The following TRABD2B variants were observed in gnomAD, a reference collection of about 807,000 sequenced individuals.
TRABD2B encodes the protein metalloprotease TIKI2.
In TRABD2B, 14 loss-of-function variants were observed where a neutral mutation model predicts 40.1. The ratio of observed to expected loss-of-function variants is 0.35; its 90% CI spans 0.23 to 0.55. The LOEUF is 0.55. Ranked by LOEUF, TRABD2B falls within the 20% of genes least tolerant of loss-of-function variation. TRABD2B has a pLI of 0.90. For synonymous variants in TRABD2B, 263 were observed against 277.0 expected (o/e 0.95, Z 0.50); for missense variants, 541 against 648.6 (o/e 0.83, Z 1.80).
chr1:47,786,244 T>C (rs1023069340), intron 4 of TRABD2B, among the ~76,000 whole-genome samples: 2 of 152,060 alleles, frequency 1.3e-5, no homozygotes, highest in Non-Finnish European at 2.9e-5. Context: ...ACAGTCTGGG[T>C]CCAAGCCCAT....
intron 2 of TRABD2B, among the ~76,000 whole-genome samples, chr1:47,932,604 G>A (rs1192855507): frequency 2.6e-5 from 4 of 152,142 alleles, no homozygotes; most frequent in Admixed American, 2.6e-4. Flanking sequence ...AAGCACAGGA[G>A]CAAAAATTCG....
intron 6 of TRABD2B, among the ~76,000 whole-genome samples, chr1:47,770,035 A>T (rs1644358376): frequency 6.6e-6 from 1 of 152,166 alleles, no homozygotes; most frequent in African/African-American, 2.4e-5. Flanking sequence ...TCCCTGGAGC[A>T]GGGGTGGGTC....
At chr1:47,962,522 G>A (rs1645536288) in intron 2 of TRABD2B, among the ~76,000 whole-genome samples, 1 of 152,058 alleles carries the variant, frequency 6.6e-6, no homozygotes, top group African/African-American at 2.4e-5. Flanking sequence ...CCTGATACCT[G>A]CCCCCTTTGC....
chr1:47,925,306 G>T (rs1224368607), intron 2 of TRABD2B, among the ~76,000 whole-genome samples: 2 of 151,840 alleles, frequency 1.3e-5, no homozygotes, highest in Non-Finnish European at 2.9e-5. Flanking sequence ...CATAAACAAA[G>T]AATTCAAAAA....
At chr1:47,970,811 C>G (rs1195481623) in intron 2 of TRABD2B, among the ~76,000 whole-genome samples, 1 of 152,128 alleles carries the variant, frequency 6.6e-6, no homozygotes, top group African/African-American at 2.4e-5. Context: ...ATTCCCTTCT[C>G]ATGGTGATGG....
chr1:47,818,718 C>T (rs1206495101), intron 2 of TRABD2B: 1 of 152,280 alleles, frequency 6.6e-6, no homozygotes, highest in Non-Finnish European at 1.5e-5. Flanking sequence ...CTCTCTCCAG[C>T]CTTGCTGTGG....
At chr1:47,850,800 T>C (rs1355076001) in intron 2 of TRABD2B, among the ~76,000 whole-genome samples, 1 of 152,206 alleles carries the variant, frequency 6.6e-6, no homozygotes, top group East Asian at 1.9e-4. Context: ...CCCAACCTTT[T>C]TGGCACCTGG....
intron 2 of TRABD2B, among the ~76,000 whole-genome samples, chr1:47,859,110 G>A (rs75672632): frequency 6.6e-6 from 1 of 152,206 alleles, no homozygotes; most frequent in Non-Finnish European, 1.5e-5. Context: ...CTTGCTGAGA[G>A]TTATCATTTT....
intron 2 of TRABD2B, among the ~76,000 whole-genome samples, chr1:47,823,758 TTCTAGTCTAACCC>T (rs1570049307): frequency 6.6e-6 from 1 of 152,288 alleles, no homozygotes; most frequent in East Asian, 1.9e-4. Flanking sequence ...AAGATCTTCC[TTCTAGTCTAACCC>T]TCTGGGTTTT....
At chr1:47,831,693 AATC>A (rs1645252034) in intron 2 of TRABD2B, among the ~76,000 whole-genome samples, 1 of 152,170 alleles carries the variant, frequency 6.6e-6, no homozygotes. Flanking sequence ...GAACCTTTCA[AATC>A]ACCAGCGGGT....
intron 2 of TRABD2B, among the ~76,000 whole-genome samples, chr1:47,858,237 T>C (rs1643916846): frequency 1.4e-5 from 1 of 69,994 alleles, no homozygotes. Flanking sequence ...TATTTTATTT[T>C]ATTTTATTTT....
At chr1:47,976,748 A>G (rs752602082) in intron 2 of TRABD2B, among the ~76,000 whole-genome samples, 5 of 152,242 alleles carry the variant, frequency 3.3e-5, no homozygotes, top group Non-Finnish European at 7.3e-5. Flanking sequence ...CATGCTTGGT[A>G]CATGAGCAGT....
chr1:47,891,997 G>A (rs907171199), intron 2 of TRABD2B, among the ~76,000 whole-genome samples: 19 of 152,208 alleles, frequency 1.2e-4, no homozygotes, highest in African/African-American at 4.3e-4. Flanking sequence ...TTTGCTAGGA[G>A]TAAAACAGAA....
At chr1:47,900,528 G>GT (rs1336976619) in intron 2 of TRABD2B, among the ~76,000 whole-genome samples, 1 of 152,194 alleles carries the variant, frequency 6.6e-6, no homozygotes, top group Non-Finnish European at 1.5e-5. Context: ...CAGCTAGAAA[G>GT]TGGGAGCACC....
chr1:47,992,427 C>T (rs1646024976), intron 2 of TRABD2B, among the ~76,000 whole-genome samples: 1 of 152,168 alleles, frequency 6.6e-6, no homozygotes, highest in African/African-American at 2.4e-5. Flanking sequence ...GGATTAAAGA[C>T]AGGGGCTGCT....
At chr1:47,879,386 A>G (rs1644269080) in intron 2 of TRABD2B, among the ~76,000 whole-genome samples, 1 of 152,158 alleles carries the variant, frequency 6.6e-6, no homozygotes, top group African/African-American at 2.4e-5. Context: ...AATATTTACC[A>G]CTGTGTTACA....
intron 2 of TRABD2B, among the ~76,000 whole-genome samples, chr1:47,929,937 C>T (rs1645017645): frequency 1.3e-5 from 2 of 152,204 alleles, no homozygotes; most frequent in Admixed American, 6.5e-5. Context: ...CCCCCAATGC[C>T]CTGCTCTGGT....
intron 2 of TRABD2B, among the ~76,000 whole-genome samples, chr1:47,879,703 A>G (rs535787838): frequency 1.3e-5 from 2 of 152,378 alleles, no homozygotes; most frequent in South Asian, 2.1e-4. Flanking sequence ...ACATTGAACA[A>G]CTAGAACAAA....
chr1:47,971,166 G>C (rs1454578594), intron 2 of TRABD2B, among the ~76,000 whole-genome samples: 1 of 152,280 alleles, frequency 6.6e-6, no homozygotes, highest in Admixed American at 6.5e-5. Context: ...CTTTCTGAGA[G>C]ACTTAGACAC....
Sources: allele counts gnomAD v4.1 joint callset (sites outside exome capture counted in the v4.1 genomes callset), GRCh38; gene constraint gnomAD v4.1.1; transcripts MANE v1.5; gene names NCBI Gene and HGNC (gene_info 2026-07-23, HGNC 2026-07-21).